The following CELSR2 variants were observed in gnomAD, a reference collection of about 807,000 sequenced individuals.
The protein encoded by CELSR2 is cadherin EGF LAG seven-pass G-type receptor 2.
CELSR2 carries 81 observed loss-of-function variants against 251.6 expected under a neutral mutation model. The observed-to-expected ratio is 0.32, with a 90% CI of 0.27 to 0.39. The LOEUF is 0.39. Ranked by LOEUF, CELSR2 falls within the 10% of genes least tolerant of loss-of-function variation. CELSR2 has a pLI of 1.00. For missense variants in CELSR2, 3,365 were observed against 3,947.7 expected, an observed-to-expected ratio of 0.85 and a Z score of 3.96; for synonymous variants, 1,721 against 1,670.5, an observed-to-expected ratio of 1.03 and a Z score of -0.74.
intron 1 of CELSR2, among the ~76,000 whole-genome samples, chr1:109,255,343 T>C (rs1015613654): frequency 6.6e-6 from 1 of 152,250 alleles, no homozygotes; most frequent in Non-Finnish European, 1.5e-5. Flanking sequence ...GCTCTCCCAC[T>C]TGCCCATTGC....
rs545977880 is a variant in CELSR2, at chr1:109,270,534, G to C, written c.7417G>C (p.Asp2473His). ...GTACCGGGCACTCACTGAGGTGCGC[G>C]ATGTCAACACCGGCCCCATGCGCTT... ...HLYRALTEVR[D>H]VNTGPMRFYY... The change falls in exon 24 of 34, where the codon GAT (aspartate) becomes CAT (histidine). Residue 2473 changes from aspartate to histidine, a missense_variant. Asp to His is a moderately conservative substitution (Grantham distance 81). Around this residue, in one of 5 missense-constraint regions of CELSR2, gnomAD observed 2,093 missense variants for 2,382.8 expected, o/e 0.88. Coordinates refer to ENST00000271332, the MANE Select transcript of CELSR2 (RefSeq NM_001408.3). The C allele has an allele frequency of 6.2e-7, 1 of 1,614,174 alleles. No individual in the cohort carries two copies. Among genetic ancestry groups the C allele is most frequent in the Non-Finnish European group, 8.5e-7 (1 of 1,180,030 alleles).
intron 15 of CELSR2, 100 bp from the exon 16 acceptor site, chr1:109,267,448 C>A: frequency 9.4e-7 from 1 of 1,067,810 alleles, no homozygotes; most frequent in Non-Finnish European, 1.4e-6. Flanking sequence ...TTACTGTCCC[C>A]GGCCCATGAG....
chr1:109,258,746 C>T lies in CELSR2; in HGVS notation c.3625C>T (p.Leu1209=). 6.4e-7 allele frequency: 1 copy of T among 1,573,864 alleles called. No individual in the cohort carries two copies. The highest frequency in any genetic ancestry group is 2.3e-5 in the East Asian group (1 of 42,762). Residue 1209 remains leucine, a synonymous_variant, in exon 2 of 34, where the codon CTA becomes TTA. Transcript: ENST00000271332. The stretch of plus-strand genomic sequence containing the variant: ...GCCCTCTGAGGACCTGCAGGAGCGC[C>T]TATACCTCAACCGCAGCCTGCTGAC... ...FLPSEDLQER[L]YLNRSLLTAI...
In CELSR2 at chr1:109,268,076, T is replaced by C. The variant is rs1222939790; in HGVS notation, c.6318+16T>C. 1.3e-6 allele frequency: 2 copies of C among 1,580,142 alleles called. No homozygotes were observed. Among genetic ancestry groups the C allele is most frequent in the African/African-American group, 2.7e-5 (2 of 74,506 alleles). The stretch of plus-strand genomic sequence containing the variant: ...CTTCACTGAGGTGGGGCTTGGAGGA[T>C]GCAGGGCTGGCTGGTTAGATAGGGG... On this transcript the variant is annotated intron_variant, in intron 17 of 33. Coordinates refer to ENST00000271332, the MANE Select transcript of CELSR2 (RefSeq NM_001408.3).
rs761369782 is a variant in CELSR2, at chr1:109,250,306, G to A, written c.227G>A (p.Gly76Asp). ...TACACCAGCCGCTGCAGGGATGCGGGCACTGAGCTGACTGGCCACCTGGTA... is the reference window on the plus strand; with the variant it reads ...TACACCAGCCGCTGCAGGGATGCGGACACTGAGCTGACTGGCCACCTGGTA... ...WLYTSRCRDA[G>D]TELTGHLVPH... The change falls in exon 1 of 34, where the codon GGC (glycine) becomes GAC (aspartate). Residue 76 changes from glycine (G) to aspartate (D), a missense_variant. Gly to Asp is a moderately conservative substitution (Grantham distance 94). Around this residue, in one of 5 missense-constraint regions of CELSR2, gnomAD observed 704 missense variants for 784.1 expected, o/e 0.90. Transcript: ENST00000271332. This position sits in a 1 kb window ranked among gnomAD's most constrained non-coding sequence, Gnocchi z 4.4. 9 of 1,613,380 alleles carry A rather than the reference G, an allele frequency of 5.6e-6. No individual in the cohort carries two copies. The highest frequency in any genetic ancestry group is 5.0e-5 in the Admixed American group (3 of 60,016).
At position 109,258,805 on chromosome 1, in the gene CELSR2, C is replaced by T. The variant is rs775455786; in HGVS notation, c.3684C>T (p.Asp1228=). The change falls in exon 2 of 34, where the codon GAC becomes GAT. Residue 1228 remains aspartate, a synonymous_variant. Coordinates refer to ENST00000271332, the MANE Select transcript of CELSR2 (RefSeq NM_001408.3). ...CGGCACAGCGCGTGCTGCCCTTCGA[C>T]GACAACATCTGCCTGCGGGAGCCCT... ...AISAQRVLPF[D]DNICLREPCE... is the part of the protein sequence containing the mutation. 4.2e-5 allele frequency: 68 copies of T among 1,611,134 alleles called. 1 individual carries two copies. In the East Asian group the frequency reaches 1.4e-3, roughly 34 times the overall value.
Position 109,261,708 on chromosome 1 carries a change from C to G in CELSR2, c.4297+80C>G. 2.6e-6 allele frequency: 4 copies of G among 1,549,132 alleles called. No individual in the cohort carries two copies. Among genetic ancestry groups the G allele is most frequent in the Non-Finnish European group, 3.6e-6 (4 of 1,126,230 alleles). On this transcript the variant is annotated intron_variant, in intron 4 of 33. Transcript: ENST00000271332. This position sits in a 1 kb window ranked among gnomAD's most constrained non-coding sequence, Gnocchi z 4.8. ...AGCCCCTGACCCCAAGCCACATACT[C>G]TATCAGCCAAATCTGGGCCCAGCCC... is the stretch of plus-strand genomic sequence containing the variant.
rs74763583 is a variant in CELSR2, at chr1:109,264,564, C to T, written c.5400C>T (p.Asn1800=). 1,179 of 1,614,192 alleles carry T rather than the reference C, an allele frequency of 7.3e-4. 11 individuals are homozygous for T. The African/African-American group carries it at 0.014, about 19-fold the overall frequency. The part of the protein sequence containing the change: ...GCSLPDPCDS[N]PCPANSYCSN... ...GCCTGCCTGACCCTTGTGACTCAAA[C>T]CCGTGTCCTGCTAACAGCTATTGCA... Residue 1800 remains asparagine, a synonymous_variant, in exon 11 of 34, where the codon AAC becomes AAT. Coordinates refer to ENST00000271332, the MANE Select transcript of CELSR2 (RefSeq NM_001408.3).
At position 109,274,105 on chromosome 1, in the gene CELSR2, T is replaced by G; in HGVS notation, c.*56T>G. On this transcript the variant is annotated 3_prime_UTR_variant, in exon 34 of 34. Coordinates refer to ENST00000271332, the MANE Select transcript of CELSR2 (RefSeq NM_001408.3). Reference sequence around the variant, plus strand: ...CCCTTCCCTTCCCCAGCCGCACTCATGCCCTGCTCCTGTCTTGTGCTTTAT... The same window carrying G: ...CCCTTCCCTTCCCCAGCCGCACTCAGGCCCTGCTCCTGTCTTGTGCTTTAT... The G allele has an allele frequency of 1.9e-6, 3 of 1,613,628 alleles. No individual in the cohort carries two copies. Among genetic ancestry groups the G allele is most frequent in the Admixed American group, 1.7e-5 (1 of 60,008 alleles).
At chr1:109,271,076 C>T (rs1656357448) in intron 25 of CELSR2, 37 bp downstream of exon 25, 1 of 1,563,964 alleles carries the variant, frequency 6.4e-7, no homozygotes, top group Non-Finnish European at 8.8e-7. Context: ...TCACCTGTGG[C>T]CCTCCTTTGC....
At position 109,274,143 on chromosome 1, in the gene CELSR2, C is replaced by T; in HGVS notation, c.*94C>T. On this transcript the variant is annotated 3_prime_UTR_variant, in exon 34 of 34. Coordinates refer to ENST00000271332, the MANE Select transcript of CELSR2 (RefSeq NM_001408.3). ...TCTTGTGCTTTATCCTGCCCCGCTC[C>T]CCATCGCCTGCCCGCAGCAGCGACG... is the stretch of plus-strand genomic sequence containing the variant. 1 of 1,606,732 alleles carries T rather than the reference C, an allele frequency of 6.2e-7. No individual in the cohort carries two copies. The highest frequency in any genetic ancestry group is 8.5e-7 in the Non-Finnish European group (1 of 1,177,058).
Position 109,270,418 on chromosome 1 carries a change from G to A in CELSR2, c.7309-8G>A. On this transcript the variant is annotated splice_polypyrimidine_tract_variant and splice_region_variant and intron_variant, in intron 23 of 33. Transcript: ENST00000271332. ...CGGTCGCTGACCTGCCCTGGCCTGG[G>A]CCCTCAGTTTGCCTGCACAGTCATT... 6.2e-7 allele frequency: 1 copy of A among 1,614,014 alleles called. No individual in the cohort carries two copies. Among genetic ancestry groups the A allele is most frequent in the South Asian group, 1.1e-5 (1 of 91,084 alleles).
Position 109,261,025 on chromosome 1 carries a change from C to T in CELSR2, c.3959-17C>T, listed in dbSNP as rs1656005010. ...TCCTCAGGTACTTGGTACTCACCTG[C>T]CTTTCCTCTTGTCCAGGTGAGCACT... On this transcript the variant is annotated splice_polypyrimidine_tract_variant and intron_variant, in intron 2 of 33. Coordinates refer to ENST00000271332, the MANE Select transcript of CELSR2 (RefSeq NM_001408.3). This position sits in a 1 kb window ranked among gnomAD's most constrained non-coding sequence, Gnocchi z 4.8. The T allele has an allele frequency of 6.3e-7, 1 of 1,589,564 alleles. No individual in the cohort carries two copies. Among genetic ancestry groups the T allele is most frequent in the East Asian group, 2.2e-5 (1 of 44,640 alleles).
At chr1:109,256,102 A>C (rs1286703868) in intron 1 of CELSR2, among the ~76,000 whole-genome samples, 3 of 152,208 alleles carry the variant, frequency 2.0e-5, no homozygotes, top group Non-Finnish European at 4.4e-5. Flanking sequence ...ATATCCCGTC[A>C]AGGAATCATT....
rs1476427061 is a variant in CELSR2 at position 109,267,542 on chromosome 1, C to T, written c.6014-6C>T. The T allele has an allele frequency of 1.2e-6, 2 of 1,612,986 alleles. No individual in the cohort carries two copies. Among genetic ancestry groups the T allele is most frequent in the Non-Finnish European group, 8.5e-7 (1 of 1,179,512 alleles). ...GAGGCCGGCCCTTTTGGCTTCCTTCCCCCAGGGACTGCTGTGCGCCACTGT... is the reference window on the plus strand; with the variant it reads ...GAGGCCGGCCCTTTTGGCTTCCTTCTCCCAGGGACTGCTGTGCGCCACTGT... On this transcript the variant is annotated splice_region_variant and splice_polypyrimidine_tract_variant and intron_variant, in intron 15 of 33. Coordinates refer to ENST00000271332, the MANE Select transcript of CELSR2 (RefSeq NM_001408.3).
intron 2 of CELSR2, among the ~76,000 whole-genome samples, chr1:109,260,377 TC>T (rs1655984752): frequency 6.6e-6 from 1 of 152,128 alleles, no homozygotes; most frequent in Non-Finnish European, 1.5e-5. Context: ...TTTCCCACTC[TC>T]AGCATGTCCC....
rs768666250 is a variant in CELSR2, at chr1:109,266,077, C to A, written c.5912-28C>A. 3.1e-6 allele frequency: 5 copies of A among 1,612,194 alleles called. 1 individual carries two copies. The highest frequency in any genetic ancestry group is 4.2e-6 in the Non-Finnish European group (5 of 1,179,074). On this transcript the variant is annotated intron_variant, in intron 14 of 33. Coordinates refer to ENST00000271332, the MANE Select transcript of CELSR2 (RefSeq NM_001408.3). ...CAGGACAGCAGAGGGAGAGCTGCTC[C>A]TGGGTGACCATGTGCTCTTCCCCGC...
Position 109,261,488 on chromosome 1 carries a change from G to A in CELSR2, c.4182-25G>A, listed in dbSNP as rs750751548. The A allele has an allele frequency of 6.2e-7, 1 of 1,602,042 alleles. No individual in the cohort carries two copies. Among genetic ancestry groups the A allele is most frequent in the Non-Finnish European group, 8.6e-7 (1 of 1,169,106 alleles). ...CATCCAGGTGGGTACCCCATTCCCT[G>A]CCCCCATCCCCAACTCCTGTTCAGG... On this transcript the variant is annotated intron_variant, in intron 3 of 33. Transcript: ENST00000271332. This position sits in a 1 kb window ranked among gnomAD's most constrained non-coding sequence, Gnocchi z 4.8.
chr1:109,264,712 G>T (rs929399049), intron 11 of CELSR2, 84 bp downstream of exon 11: 53 of 1,576,502 alleles, frequency 3.4e-5, no homozygotes, highest in Non-Finnish European at 4.5e-5. Flanking sequence ...TGGGGCATGG[G>T]GCATCACACC....
Sources: allele counts gnomAD v4.1 joint callset (sites outside exome capture counted in the v4.1 genomes callset), GRCh38; gene constraint gnomAD v4.1.1; regional missense constraint gnomAD v4.1.1; non-coding constraint Gnocchi (gnomAD v3.1); transcripts MANE v1.5; gene names NCBI Gene and HGNC (gene_info 2026-07-23, HGNC 2026-07-21).